ROBO1: variants seen among roughly 807,000 people sequenced by gnomAD.
The protein encoded by ROBO1 is roundabout guidance receptor 1, also known as roundabout homolog 1.
Under a neutral mutation model 195.9 loss-of-function variants are expected in ROBO1, and 149 were observed. The observed-to-expected ratio is 0.76, with a 90% CI of 0.67 to 0.87. The LOEUF (loss-of-function observed/expected upper bound fraction) is 0.87, where lower values mean the gene tolerates loss of function less well. Ranked by LOEUF, ROBO1 falls within the 40% of genes least tolerant of loss-of-function variation. The probability of loss-of-function intolerance (pLI) is 0.00; values close to 1 mark genes in which losing one functional copy is unlikely to be tolerated. For missense variants in ROBO1, 1,933 were observed against 2,068.3 expected (o/e 0.93, Z 1.27); for synonymous variants, 816 against 733.2 (o/e 1.11, Z -1.82).
chr3:79,517,393 G>A (rs1012031149), intron 2 of ROBO1, among the ~76,000 whole-genome samples: 1 of 152,132 alleles, frequency 6.6e-6, no homozygotes, highest in African/African-American at 2.4e-5. Flanking sequence ...TGGGTGTGAG[G>A]AGAACTTATT....
chr3:79,764,142 G>T (rs7629503), intron 1 of ROBO1, among the ~76,000 whole-genome samples: 48,117 of 152,066 alleles, frequency 0.32, 7,880 homozygotes, highest in East Asian at 0.4. Context: ...GTTATGTGGG[G>T]ATTAAGTGAA....
At chr3:79,567,699 T>TC (rs1375921351) in intron 2 of ROBO1, among the ~76,000 whole-genome samples, 4 of 152,128 alleles carry the variant, frequency 2.6e-5, no homozygotes, top group Non-Finnish European at 4.4e-5. Context: ...TGAGTGCCAT[T>TC]GAATAATATA....
At chr3:79,087,943 C>A in intron 3 of ROBO1, among the ~76,000 whole-genome samples, 1 of 151,908 alleles carries the variant, frequency 6.6e-6, no homozygotes, top group Non-Finnish European at 1.5e-5. Context: ...CAAGGGTATC[C>A]CAATTTACAT....
At chr3:78,774,053 A>G (rs142942213) in intron 4 of ROBO1, among the ~76,000 whole-genome samples, 198 of 152,326 alleles carry the variant, frequency 1.3e-3, no homozygotes, top group African/African-American at 4.5e-3. Flanking sequence ...TCATTTTCTA[A>G]TTTAAGAATT....
intron 5 of ROBO1, among the ~76,000 whole-genome samples, chr3:78,720,264 A>C (rs1277352394): frequency 1.3e-5 from 2 of 152,350 alleles, no homozygotes; most frequent in African/African-American, 4.8e-5. Flanking sequence ...GCAATGTCAC[A>C]CAACAAGTGG....
intron 3 of ROBO1, among the ~76,000 whole-genome samples, chr3:79,016,758 T>C (rs987210476): frequency 1.2e-4 from 18 of 152,196 alleles, no homozygotes; most frequent in African/African-American, 4.1e-4. Flanking sequence ...CCTCCAGTCA[T>C]TTATCACAAT....
chr3:79,568,233 T>G (rs1227616936), intron 2 of ROBO1, among the ~76,000 whole-genome samples: 1 of 152,140 alleles, frequency 6.6e-6, no homozygotes, highest in Non-Finnish European at 1.5e-5. Flanking sequence ...GAAGCAAAGA[T>G]AAATGATTTT....
chr3:78,718,833 A>AGG (rs2081968898), intron 5 of ROBO1, among the ~76,000 whole-genome samples: 1 of 119,492 alleles, frequency 8.4e-6, no homozygotes, highest in African/African-American at 3.2e-5. Context: ...GGAGAGAGGG[A>AGG]GAGAGGGAGG....
intron 9 of ROBO1, among the ~76,000 whole-genome samples, chr3:78,687,334 G>A (rs2081074048): frequency 6.6e-6 from 1 of 152,036 alleles, no homozygotes; most frequent in Non-Finnish European, 1.5e-5. Context: ...AGGCCAAATG[G>A]AATGTGTTAG....
chr3:79,491,162 C>T (rs1939432568), intron 2 of ROBO1, among the ~76,000 whole-genome samples: 1 of 151,312 alleles, frequency 6.6e-6, no homozygotes, highest in African/African-American at 2.4e-5. Context: ...TGGTCCTAGA[C>T]AGAGCAGTGC....
At chr3:78,847,857 AAAGTT>A (rs1244236382) in intron 4 of ROBO1, among the ~76,000 whole-genome samples, 6 of 152,340 alleles carry the variant, frequency 3.9e-5, no homozygotes, top group Non-Finnish European at 8.8e-5. Context: ...GGTAAAGTGA[AAAGTT>A]AAGATAACGG....
At chr3:79,681,689 G>T (rs912474666) in intron 1 of ROBO1, among the ~76,000 whole-genome samples, 2 of 151,862 alleles carry the variant, frequency 1.3e-5, no homozygotes, top group African/African-American at 4.8e-5. Context: ...CCTTCCCAAG[G>T]AGATGTGGAA....
At chr3:79,512,249 C>T (rs1362369235) in intron 2 of ROBO1, among the ~76,000 whole-genome samples, 1 of 151,170 alleles carries the variant, frequency 6.6e-6, no homozygotes, top group Non-Finnish European at 1.5e-5. Flanking sequence ...ATATAGCTAG[C>T]ATGAGCTGAA....
intron 2 of ROBO1, among the ~76,000 whole-genome samples, chr3:79,576,496 A>G (rs1455610807): frequency 3.3e-5 from 5 of 152,108 alleles, no homozygotes; most frequent in African/African-American, 1.2e-4. Context: ...TTTAAACTGT[A>G]CACCACCAGC....
At chr3:79,064,390 T>C (rs2078971144) in intron 3 of ROBO1, among the ~76,000 whole-genome samples, 1 of 151,956 alleles carries the variant, frequency 6.6e-6, no homozygotes, top group South Asian at 2.1e-4. Flanking sequence ...TTTTTCCAGC[T>C]CATCTTCCTG....
At chr3:78,798,167 G>A (rs1576184945) in intron 4 of ROBO1, among the ~76,000 whole-genome samples, 2 of 152,264 alleles carry the variant, frequency 1.3e-5, no homozygotes, top group South Asian at 2.1e-4. Context: ...GAGGTAAGAC[G>A]TGATGGGGAC....
intron 29 of ROBO1, among the ~76,000 whole-genome samples, chr3:78,605,992 A>C (rs1703438927): frequency 6.6e-6 from 1 of 152,156 alleles, no homozygotes; most frequent in Non-Finnish European, 1.5e-5. Flanking sequence ...TTAGAGTGTT[A>C]CTGTAATGTT....
intron 2 of ROBO1, among the ~76,000 whole-genome samples, chr3:79,387,300 G>A (rs1420051726): frequency 6.6e-6 from 1 of 151,898 alleles, no homozygotes; most frequent in Admixed American, 6.6e-5. Flanking sequence ...ACTATTATTA[G>A]TATTAGACTG....
In ROBO1 at chr3:78,812,840, A is replaced by G. The variant is rs373160139; in HGVS notation, c.500-65940T>C. Among the ~76,000 whole-genome samples, 14 of 152,248 alleles carry G rather than the reference A, an allele frequency of 9.2e-5. No homozygotes were observed. In the East Asian group the frequency reaches 2.1e-3, roughly 23 times the overall value. ...AAGCATGATATCTAACTATGCTAAA[A>G]TAAGCTAAAATCCTGAACTTAACTA... On this transcript the variant is annotated intron_variant, in intron 4 of 30. Coordinates refer to ENST00000464233, the MANE Select transcript of ROBO1 (RefSeq NM_002941.4).
Sources: allele counts gnomAD v4.1 joint callset (sites outside exome capture counted in the v4.1 genomes callset), GRCh38; gene constraint gnomAD v4.1.1; transcripts MANE v1.5; gene names NCBI Gene and HGNC (gene_info 2026-07-23, HGNC 2026-07-21).